Variants in LOXHD1 observed in about 807,000 individuals in gnomAD.
The protein encoded by LOXHD1 is lipoxygenase homology domain-containing protein 1.
Under a neutral mutation model 248.2 loss-of-function variants are expected in LOXHD1, and 205 were observed. That is an observed-to-expected ratio of 0.83 (90% CI 0.74 to 0.93). LOXHD1 has a LOEUF of 0.93. Ranked by LOEUF, LOXHD1 falls within the 40% of genes least tolerant of loss-of-function variation. The pLI, the probability that LOXHD1 is intolerant of heterozygous loss-of-function variation, is 0.00. For missense variants in LOXHD1, 2,930 were observed against 2,971.6 expected (o/e 0.99, Z 0.33); for synonymous variants, 1,113 against 1,162.8 (o/e 0.96, Z 0.87).
intron 5 of LOXHD1, among the ~76,000 whole-genome samples, chr18:46,612,334 A>G (rs2038520688): frequency 6.6e-6 from 1 of 152,216 alleles, no homozygotes; most frequent in Non-Finnish European, 1.5e-5. Context: ...GTTGTATTAC[A>G]TTAATTACCA....
chr18:46,495,252 T>C (rs1439776238), intron 37 of LOXHD1, among the ~76,000 whole-genome samples: 3 of 152,172 alleles, frequency 2.0e-5, no homozygotes, highest in Admixed American at 6.5e-5. Context: ...AATTAGAAAA[T>C]AAATACTCTG....
At chr18:46,530,345 T>C (rs1173632105) in intron 28 of LOXHD1, among the ~76,000 whole-genome samples, 2 of 152,190 alleles carry the variant, frequency 1.3e-5, no homozygotes, top group Non-Finnish European at 2.9e-5. Context: ...AAGTGACAGC[T>C]GGGCTTCTTT....
chr18:46,512,916 C>A (rs551829669), intron 34 of LOXHD1, among the ~76,000 whole-genome samples: 1 of 152,060 alleles, frequency 6.6e-6, no homozygotes. Context: ...AAACCTGATG[C>A]GGAGTGAAAG....
intron 26 of LOXHD1, among the ~76,000 whole-genome samples, chr18:46,535,643 A>G (rs1327067557): frequency 3.3e-5 from 5 of 152,088 alleles, no homozygotes; most frequent in Admixed American, 2.6e-4. Context: ...AACTCAGCTC[A>G]CGGCAACCTC....
At chr18:46,593,553 C>A in intron 10 of LOXHD1, 47 bp downstream of exon 10, 1 of 1,543,252 alleles carries the variant, frequency 6.5e-7, no homozygotes, top group South Asian at 1.2e-5. Flanking sequence ...GAATGCCCTA[C>A]ATCCCTTCCT....
chr18:46,593,556 C>T, intron 10 of LOXHD1, 44 bp downstream of exon 10: 1 of 1,545,974 alleles, frequency 6.5e-7, no homozygotes, highest in Non-Finnish European at 8.8e-7. Flanking sequence ...TGCCCTACAT[C>T]CCTTCCTCCT....
In LOXHD1 at chr18:46,521,084, G is replaced by T. The variant is rs1416183383; in HGVS notation, c.5271+13C>A. On this transcript the variant is annotated intron_variant, in intron 33 of 40. Transcript: ENST00000642948. ...CCTGGCCATGCACTGCACACTCACA[G>T]TGCCCCCCCTACCTTCACCCCAATG... 1.3e-6 allele frequency: 2 copies of T among 1,551,048 alleles called. No homozygotes were observed. Among genetic ancestry groups the T allele is most frequent in the East Asian group, 4.9e-5 (2 of 40,914 alleles).
chr18:46,602,093 A>G (rs999855278), intron 7 of LOXHD1, among the ~76,000 whole-genome samples: 2 of 152,260 alleles, frequency 1.3e-5, no homozygotes, highest in African/African-American at 4.8e-5. Context: ...AGGAAGAACT[A>G]GCAAAGGGAG....
At chr18:46,539,315 G>C (rs931670416) in intron 25 of LOXHD1, among the ~76,000 whole-genome samples, 1 of 152,190 alleles carries the variant, frequency 6.6e-6, no homozygotes, top group African/African-American at 2.4e-5. Context: ...ATAAAAGTTA[G>C]CTGGACGTGG....
rs1421861082 is a variant in LOXHD1, at chr18:46,521,217, G to A, written c.5151C>T (p.Pro1717=). The A allele has an allele frequency of 6.4e-7, 1 of 1,551,726 alleles. No homozygotes were observed. Among genetic ancestry groups the A allele is most frequent in the Non-Finnish European group, 8.7e-7 (1 of 1,147,002 alleles). The part of the protein sequence containing the change: ...WLVEELCLAV[P]TQGTKYMLNC... ...TCAACATGTACTTGGTGCCCTGGGT[G>A]GGCACTGCCAAACACAACTCTTCCA... Residue 1717 remains proline, a synonymous_variant, in exon 33 of 41, where the codon CCC becomes CCT. Coordinates refer to ENST00000642948, the MANE Select transcript of LOXHD1 (RefSeq NM_001384474.1).
At chr18:46,529,931 T>C (rs545477136) in intron 28 of LOXHD1, among the ~76,000 whole-genome samples, 3 of 152,260 alleles carry the variant, frequency 2.0e-5, no homozygotes, top group Admixed American at 1.3e-4. Context: ...CTATGGCCCA[T>C]AGGGAGGGCT....
intron 12 of LOXHD1, among the ~76,000 whole-genome samples, chr18:46,581,216 C>T (rs1206684843): frequency 6.6e-6 from 1 of 152,048 alleles, no homozygotes; most frequent in East Asian, 1.9e-4. Context: ...ACTGGAGGTG[C>T]AACAGAAGTG....
At chr18:46,552,772 A>T (rs949974962) in intron 21 of LOXHD1, among the ~76,000 whole-genome samples, 1 of 152,122 alleles carries the variant, frequency 6.6e-6, no homozygotes, top group Non-Finnish European at 1.5e-5. Context: ...CAAGCTCCTC[A>T]GCATGGCTTT....
Position 46,489,063 on chromosome 18 carries a change from G to C in LOXHD1, c.5958C>G (p.Asp1986Glu), listed in dbSNP as rs781736000. The C allele has an allele frequency of 2.1e-5, 33 of 1,551,726 alleles. No individual in the cohort carries two copies. The South Asian group carries it at 3.1e-4, about 15-fold the overall frequency. ...SRDETFHFQCDCWLSKSEGDG... is the reference protein window; with the variant it reads ...SRDETFHFQCECWLSKSEGDG... Reference sequence around the variant, plus strand: ...CACCCTCACTCTTGGAGAGCCAGCAGTCACACTGGAAGTGGAAGGTCTCGT... The same window carrying C: ...CACCCTCACTCTTGGAGAGCCAGCACTCACACTGGAAGTGGAAGGTCTCGT... The change falls in exon 38 of 41, where the codon GAC (aspartate) becomes GAG (glutamate). Residue 1986 changes from aspartate to glutamate, a missense_variant. Asp to Glu is a conservative substitution (Grantham distance 45, BLOSUM62 2). Coordinates refer to ENST00000642948, the MANE Select transcript of LOXHD1 (RefSeq NM_001384474.1).
intron 27 of LOXHD1, chr18:46,533,661 T>C: frequency 1.8e-5 from 6 of 332,540 alleles, no homozygotes; most frequent in South Asian, 5.3e-5. Context: ...TGGTGGCTCA[T>C]GCCTGTAATC....
chr18:46,553,332 G>A (rs1313959691), intron 21 of LOXHD1, among the ~76,000 whole-genome samples: 5 of 152,250 alleles, frequency 3.3e-5, no homozygotes, highest in South Asian at 2.1e-4. Flanking sequence ...TATTATGCCC[G>A]TTGTACAGAT....
At chr18:46,642,167 C>T in intron 2 of LOXHD1, 131 bp from the exon 3 acceptor site, 3 of 816,572 alleles carry the variant, frequency 3.7e-6, no homozygotes, top group Non-Finnish European at 6.1e-6. Flanking sequence ...AACAAGATCC[C>T]ATTCCAAGAT....
intron 34 of LOXHD1, among the ~76,000 whole-genome samples, chr18:46,512,713 T>C (rs2035038126): frequency 1.3e-5 from 2 of 152,218 alleles, no homozygotes; most frequent in South Asian, 4.1e-4. Context: ...TTTGTTACAT[T>C]GAGTTCTGCC....
At chr18:46,617,829 A>T (rs1364707890) in intron 5 of LOXHD1, among the ~76,000 whole-genome samples, 1 of 152,184 alleles carries the variant, frequency 6.6e-6, no homozygotes, top group East Asian at 1.9e-4. Context: ...CACACCCAGC[A>T]ACATCCCAAA....
Sources: allele counts gnomAD v4.1 joint callset (sites outside exome capture counted in the v4.1 genomes callset), GRCh38; gene constraint gnomAD v4.1.1; transcripts MANE v1.5; gene names NCBI Gene and HGNC (gene_info 2026-07-23, HGNC 2026-07-21).